Variants in RELN observed in about 807,000 individuals in gnomAD.
The protein encoded by RELN is reelin.
A neutral mutation model predicts 427.6 loss-of-function variants in RELN; 108 were observed. That is an observed-to-expected ratio of 0.25 (90% CI 0.22 to 0.30). RELN has a LOEUF of 0.30. Ranked by LOEUF, RELN falls within the 10% of genes least tolerant of loss-of-function variation. The pLI is 1.00. For missense variants in RELN, 3,715 were observed against 4,302.8 expected (o/e 0.86, Z 3.82); for synonymous variants, 1,524 against 1,513.4 (o/e 1.01, Z -0.16).
At chr7:103,860,303 T>C (rs1228985525) in intron 2 of RELN, among the ~76,000 whole-genome samples, 1 of 152,174 alleles carries the variant, frequency 6.6e-6, no homozygotes, top group Admixed American at 6.5e-5. Context: ...GGGATTAAGG[T>C]ATTAAGTTTT....
intron 2 of RELN, among the ~76,000 whole-genome samples, chr7:103,867,488 G>A (rs970451358): frequency 7.2e-5 from 11 of 151,904 alleles, no homozygotes; most frequent in African/African-American, 2.4e-4. Context: ...TCAATGTACT[G>A]GATCAAAACT....
At chr7:103,677,237 G>C (rs1338370211) in intron 11 of RELN, among the ~76,000 whole-genome samples, 1 of 136,024 alleles carries the variant, frequency 7.4e-6, no homozygotes, top group Non-Finnish European at 1.5e-5. Flanking sequence ...ATAGGGAGGG[G>C]AACATCATAC....
chr7:103,578,513 A>G (rs1831053996), intron 28 of RELN, among the ~76,000 whole-genome samples: 1 of 152,182 alleles, frequency 6.6e-6, no homozygotes, highest in African/African-American at 2.4e-5. Flanking sequence ...AACTCAAGGC[A>G]ATAAAGATTT....
intron 10 of RELN, among the ~76,000 whole-genome samples, chr7:103,684,790 A>G (rs983690341): frequency 2.6e-5 from 4 of 152,316 alleles, no homozygotes; most frequent in Non-Finnish European, 2.9e-5. Context: ...TAAGTGCTAC[A>G]AAATAATCAT....
chr7:103,935,653 G>A (rs1300227210), intron 1 of RELN, among the ~76,000 whole-genome samples: 1 of 152,094 alleles, frequency 6.6e-6, no homozygotes, highest in African/African-American at 2.4e-5. Flanking sequence ...AGACCAGTAA[G>A]ACTAGACCCG....
chr7:103,941,052 A>T (rs1477747981), intron 1 of RELN, among the ~76,000 whole-genome samples: 4 of 152,114 alleles, frequency 2.6e-5, no homozygotes, highest in African/African-American at 9.7e-5. Context: ...TCCTCCCTGG[A>T]TGTTATTACC....
rs927254736 is a variant in RELN at position 103,988,745 on chromosome 7, G to A, written c.226+386C>T. On this transcript the variant is annotated intron_variant, in intron 1 of 64. Transcript: ENST00000428762. This position sits in a 1 kb window ranked among gnomAD's most constrained non-coding sequence, Gnocchi z 4.9. ...CAACGCCCCCCCGGGGACCCATCTG[G>A]GGGGACCGGGAGCAGGACAAAGGTC... Among the ~76,000 whole-genome samples the A allele has an allele frequency of 6.6e-6, 1 of 152,176 alleles. No homozygotes were observed. The highest frequency in any genetic ancestry group is 1.5e-5 in the Non-Finnish European group (1 of 68,028).
At chr7:103,721,175 G>T (rs774044524) in intron 8 of RELN, among the ~76,000 whole-genome samples, 7 of 151,866 alleles carry the variant, frequency 4.6e-5, no homozygotes, top group Non-Finnish European at 1.0e-4. Context: ...TTATAAACTT[G>T]AGATCTCTTT....
chr7:103,889,197 G>A (rs187332424), intron 2 of RELN, among the ~76,000 whole-genome samples: 1 of 152,190 alleles, frequency 6.6e-6, no homozygotes, highest in African/African-American at 2.4e-5. Flanking sequence ...TTTAGAACAT[G>A]AAAACAATCT....
chr7:103,642,353 T>A (rs987158926), intron 16 of RELN, among the ~76,000 whole-genome samples: 3 of 147,838 alleles, frequency 2.0e-5, no homozygotes, highest in Non-Finnish European at 4.5e-5. Context: ...CATAGTGTTT[T>A]TTTTTTTTTT....
At chr7:103,823,283 C>T (rs1198441073) in intron 3 of RELN, among the ~76,000 whole-genome samples, 3 of 151,994 alleles carry the variant, frequency 2.0e-5, no homozygotes, top group Non-Finnish European at 2.9e-5. Context: ...ATTGCATTCT[C>T]AAAGTCACAG....
chr7:103,891,875 G>A (rs1269760818), intron 2 of RELN, among the ~76,000 whole-genome samples: 1 of 151,886 alleles, frequency 6.6e-6, no homozygotes, highest in Non-Finnish European at 1.5e-5. Flanking sequence ...ATGCACTCTG[G>A]ACACTTTCTT....
intron 2 of RELN, among the ~76,000 whole-genome samples, chr7:103,872,557 A>T (rs1177490338): frequency 1.5e-5 from 2 of 133,960 alleles, no homozygotes; most frequent in Admixed American, 1.5e-4. Flanking sequence ...GGCATGATTT[A>T]TAGTCATTTG....
chr7:103,655,208 C>G (rs1273300783), intron 12 of RELN, among the ~76,000 whole-genome samples: 3 of 152,134 alleles, frequency 2.0e-5, no homozygotes, highest in East Asian at 3.9e-4. Context: ...TCTCTTAAGC[C>G]ACCATTATCC....
At chr7:103,651,948 A>G (rs1354966107) in intron 14 of RELN, among the ~76,000 whole-genome samples, 159 bp from the exon 15 acceptor site, 2 of 152,128 alleles carry the variant, frequency 1.3e-5, no homozygotes, top group African/African-American at 4.8e-5. Flanking sequence ...CTCTTTCACT[A>G]AAGTCTGACC....
At chr7:103,924,991 T>TACACACACACACACAC (rs57662220) in intron 1 of RELN, among the ~76,000 whole-genome samples, 1 of 49,098 alleles carries the variant, frequency 2.0e-5, no homozygotes, top group Non-Finnish European at 5.2e-5. Flanking sequence ...CGCATACACA[T>TACACACACACACACAC]ACACACACAC....
At chr7:103,495,175 C>CTTTTTTTTTTTTTTT in intron 57 of RELN, among the ~76,000 whole-genome samples, 1 of 125,388 alleles carries the variant, frequency 8.0e-6, no homozygotes, top group Non-Finnish European at 1.6e-5. Context: ...AAAGTAATTC[C>CTTTTTTTTTTTTTTT]TTTTTTTTTT....
At chr7:103,647,621 A>G (rs1832823859) in intron 16 of RELN, among the ~76,000 whole-genome samples, 1 of 152,014 alleles carries the variant, frequency 6.6e-6, no homozygotes, top group Non-Finnish European at 1.5e-5. Flanking sequence ...TAAAATGATC[A>G]CACTGCCCAA....
intron 2 of RELN, among the ~76,000 whole-genome samples, chr7:103,864,154 C>A (rs1232309422): frequency 6.6e-6 from 1 of 152,118 alleles, no homozygotes; most frequent in African/African-American, 2.4e-5. Context: ...CTCTGTCAAC[C>A]GTAATTGAAA....
Sources: allele counts gnomAD v4.1 joint callset (sites outside exome capture counted in the v4.1 genomes callset), GRCh38; gene constraint gnomAD v4.1.1; non-coding constraint Gnocchi (gnomAD v3.1); transcripts MANE v1.5; gene names NCBI Gene and HGNC (gene_info 2026-07-23, HGNC 2026-07-21).